CDKN2B-AS1: variants seen among roughly 807,000 people sequenced by gnomAD.
CDKN2B-AS1 encodes the protein CDKN2B antisense RNA 1 (non-protein coding).
At chr9:22,097,133 C>G (rs1165201840) in intron 4 of CDKN2B-AS1, 3 of 152,270 alleles carry the variant, frequency 2.0e-5, no homozygotes, top group Admixed American at 2.0e-4. Context: ...GATAAATTTT[C>G]TGCACTGTGT....
chr9:22,055,912 C>A (rs1823542061), intron 3 of CDKN2B-AS1, among the ~76,000 whole-genome samples: 1 of 151,916 alleles, frequency 6.6e-6, no homozygotes, highest in African/African-American at 2.4e-5. Context: ...TAGTACAAAT[C>A]AGAATAAAAT....
Position 22,022,887 on chromosome 9 carries a change from CTT to C in CDKN2B-AS1, n.30-23863_30-23862del, listed in dbSNP as rs1312936930. Among the ~76,000 whole-genome samples the C allele has an allele frequency of 4.6e-5, 7 of 152,204 alleles. No individual in the cohort carries two copies. In the East Asian group the frequency reaches 9.6e-4, roughly 21 times the overall value. ...TCTTATTTTTCCTTCTCTTATGAAA[CTT>C]AGTTTGACCAGATATAAAATTCTGG... On this transcript the variant is annotated intron_variant and non_coding_transcript_variant, in intron 1 of 4. Transcript: ENST00000650946.
intron 4 of CDKN2B-AS1, among the ~76,000 whole-genome samples, chr9:22,126,271 A>G (rs1391580641): frequency 6.6e-6 from 1 of 152,224 alleles, no homozygotes; most frequent in Non-Finnish European, 1.5e-5. Flanking sequence ...ATTCATGATG[A>G]ATATGTGAAA....
intron 1 of CDKN2B-AS1, chr9:22,029,352 G>A: frequency 1.3e-6 from 1 of 756,514 alleles, no homozygotes; most frequent in Non-Finnish European, 2.5e-6. Flanking sequence ...TATCTAATGG[G>A]ATTCCTGATG....
At chr9:22,026,484 A>G (rs1591137) in intron 1 of CDKN2B-AS1, among the ~76,000 whole-genome samples, 15,181 of 152,242 alleles carry the variant, frequency 0.1, 2,513 homozygotes, top group African/African-American at 0.34. Flanking sequence ...TTGCCCAAAC[A>G]GCAGAGATGG....
At chr9:22,072,573 T>C (rs895468368) in intron 4 of CDKN2B-AS1, among the ~76,000 whole-genome samples, 2 of 152,234 alleles carry the variant, frequency 1.3e-5, no homozygotes, top group African/African-American at 4.8e-5. Context: ...AATAGTGATA[T>C]CTCCCTCTAA....
chr9:22,038,117 C>G (rs1822760002), intron 1 of CDKN2B-AS1, among the ~76,000 whole-genome samples: 1 of 151,794 alleles, frequency 6.6e-6, no homozygotes, highest in Non-Finnish European at 1.5e-5. Context: ...CTTAAAGATA[C>G]AAAACTGAAG....
rs577362797 is a variant in CDKN2B-AS1, at chr9:22,091,464, G to A, written n.438+35077G>A. On this transcript the variant is annotated intron_variant and non_coding_transcript_variant, in intron 4 of 4. Transcript: ENST00000650946. Reference sequence around the variant, plus strand: ...TTGATTCTTCCTACCCATGAGCATGGAATGTTCTTCCATTTGTTTGTATCC... The same window carrying A: ...TTGATTCTTCCTACCCATGAGCATGAAATGTTCTTCCATTTGTTTGTATCC... 3.3e-5 allele frequency among the ~76,000 whole-genome samples: 5 copies of A among 152,266 alleles called. No individual in the cohort carries two copies. The South Asian group carries it at 1.0e-3, about 32-fold the overall frequency.
rs151219122 is a variant in CDKN2B-AS1, at chr9:22,016,964, T to C, written n.29+21803T>C. 8.8e-3 allele frequency among the ~76,000 whole-genome samples: 1,345 copies of C among 152,376 alleles called. 19 individuals carry two copies. Among genetic ancestry groups the C allele is most frequent in the Non-Finnish European group, 0.011 (773 of 68,034 alleles). On this transcript the variant is annotated intron_variant and non_coding_transcript_variant, in intron 1 of 4. Transcript: ENST00000650946. ...TTTGGCCAGTGGGAGCCTCTGCAAA[T>C]TGATTAGTGAATCTTTTTGACATGG...
intron 2 of CDKN2B-AS1, among the ~76,000 whole-genome samples, chr9:22,047,785 TTTTC>T (rs1298897650): frequency 1.3e-5 from 2 of 151,930 alleles, no homozygotes; most frequent in African/African-American, 4.8e-5. Flanking sequence ...AAAACTTTTT[TTTTC>T]TTTCTTTTTT....
intron 4 of CDKN2B-AS1, among the ~76,000 whole-genome samples, chr9:22,104,411 C>T (rs1825588846): frequency 6.6e-6 from 1 of 152,136 alleles, no homozygotes; most frequent in African/African-American, 2.4e-5. Context: ...TTCACTTGCC[C>T]AAGTGAGGAT....
intron 3 of CDKN2B-AS1, among the ~76,000 whole-genome samples, chr9:22,054,846 G>A (rs547849398): frequency 1.3e-3 from 195 of 151,518 alleles, no homozygotes; most frequent in African/African-American, 4.5e-3. Flanking sequence ...CTGCCTCCCG[G>A]GTTCAAGCAA....
chr9:22,054,996 C>T (rs1011796206), intron 3 of CDKN2B-AS1, among the ~76,000 whole-genome samples: 2 of 152,150 alleles, frequency 1.3e-5, no homozygotes, highest in Non-Finnish European at 2.9e-5. Flanking sequence ...AAGTGATCTG[C>T]CTGCCTTGGC....
At chr9:22,033,200 A>T (rs1162014773) in intron 1 of CDKN2B-AS1, among the ~76,000 whole-genome samples, 76 of 152,152 alleles carry the variant, frequency 5.0e-4, no homozygotes, top group Non-Finnish European at 4.4e-5. Context: ...GACTTTTACG[A>T]AACCAGTCCC....
At chr9:22,012,621 GA>G (rs34662415) in intron 1 of CDKN2B-AS1, 50,964 of 295,862 alleles carry the variant, frequency 0.17, 1,556 homozygotes, top group East Asian at 0.29. Flanking sequence ...TCATTGACTG[GA>G]AAAAAAAAAA....
At chr9:22,040,736 G>T (rs1426322058) in intron 1 of CDKN2B-AS1, among the ~76,000 whole-genome samples, 1 of 152,024 alleles carries the variant, frequency 6.6e-6, no homozygotes, top group Non-Finnish European at 1.5e-5. Flanking sequence ...CTAACATCAT[G>T]ATAGCCACAC....
chr9:22,068,441 T>C (rs1824151537), intron 4 of CDKN2B-AS1, among the ~76,000 whole-genome samples: 1 of 152,018 alleles, frequency 6.6e-6, no homozygotes, highest in African/African-American at 2.4e-5. Flanking sequence ...TTAGGGGAAA[T>C]TGAAGGATCA....
In CDKN2B-AS1 at chr9:22,006,080, C is replaced by G. The variant is rs1009302274; in HGVS notation, n.29+10919C>G. ...CGGGCAGACGACCCCAGGCATCGCG[C>G]ACGTCCAGCCGCGCCCCGGCCCGGT... On this transcript the variant is annotated intron_variant and non_coding_transcript_variant, in intron 1 of 4. Coordinates refer to ENST00000650946, the Ensembl canonical transcript of CDKN2B-AS1. This position sits in a 1 kb window ranked among gnomAD's most constrained non-coding sequence, Gnocchi z 6.4. 3.1e-6 allele frequency: 5 copies of G among 1,607,300 alleles called. No individual in the cohort carries two copies. Among genetic ancestry groups the G allele is most frequent in the Non-Finnish European group, 4.2e-6 (5 of 1,179,666 alleles).
chr9:22,014,718 C>T (rs1821663967), intron 1 of CDKN2B-AS1, among the ~76,000 whole-genome samples: 1 of 151,334 alleles, frequency 6.6e-6, no homozygotes, highest in South Asian at 2.1e-4. Context: ...ATTAACTTGT[C>T]ATTTAGCATT....
Sources: gnomAD v4.1 joint callset for allele counts (sites outside exome capture counted in the v4.1 genomes callset) on GRCh38, gnomAD v4.1.1 for gene constraint, Gnocchi (gnomAD v3.1) non-coding constraint, MANE v1.5 for transcripts, NCBI Gene and HGNC (gene_info 2026-07-23, HGNC 2026-07-21) for gene names.